The following ZNF407 variants were observed in gnomAD, a reference collection of about 807,000 sequenced individuals.
ZNF407 encodes zinc finger protein 407.
Under a neutral mutation model 131.2 loss-of-function variants are expected in ZNF407, and 17 were observed. That is an observed-to-expected ratio of 0.13 (90% CI 0.09 to 0.19). The LOEUF (loss-of-function observed/expected upper bound fraction) is 0.19. Ranked by LOEUF, ZNF407 falls within the 10% of genes least tolerant of loss-of-function variation. The pLI is 1.00. For missense variants in ZNF407, 2,681 were observed against 2,830.6 expected, an observed-to-expected ratio of 0.95 and a Z score of 1.20; for synonymous variants, 1,156 against 1,062.0, an observed-to-expected ratio of 1.09 and a Z score of -1.72.
chr18:74,731,175 A>G (rs565156904), intron 3 of ZNF407, among the ~76,000 whole-genome samples: 13 of 152,334 alleles, frequency 8.5e-5, no homozygotes, highest in Non-Finnish European at 1.6e-4. Context: ...TGTAAAAATA[A>G]TGGAATTTAC....
chr18:74,814,310 T>A (rs1251108309), intron 4 of ZNF407, among the ~76,000 whole-genome samples: 1 of 152,126 alleles, frequency 6.6e-6, no homozygotes, highest in Non-Finnish European at 1.5e-5. Context: ...ATGATTTTAC[T>A]TTTTGTAGAC....
At chr18:74,918,595 G>C (rs990802722) in intron 7 of ZNF407, among the ~76,000 whole-genome samples, 1 of 152,176 alleles carries the variant, frequency 6.6e-6, no homozygotes, top group South Asian at 2.1e-4. Context: ...TACATTCACT[G>C]TCTTGCATGT....
At chr18:75,023,550 C>A (rs1973136503) in intron 8 of ZNF407, among the ~76,000 whole-genome samples, 1 of 152,092 alleles carries the variant, frequency 6.6e-6, no homozygotes, top group African/African-American at 2.4e-5. Context: ...CAGCCAAATT[C>A]TTGGGGGCTA....
chr18:75,022,303 A>G (rs1973120451), intron 8 of ZNF407, among the ~76,000 whole-genome samples: 1 of 152,156 alleles, frequency 6.6e-6, no homozygotes, highest in African/African-American at 2.4e-5. Context: ...TGAGAGCAAG[A>G]GAAAGAAAGT....
chr18:74,645,646 TG>T (rs1239453090), intron 3 of ZNF407, among the ~76,000 whole-genome samples: 26 of 150,748 alleles, frequency 1.7e-4, no homozygotes, highest in Admixed American at 1.6e-3. Flanking sequence ...TTTGTGTGTG[TG>T]TGTGTGTGTG....
At chr18:74,605,842 C>T (rs536801270) in intron 1 of ZNF407, among the ~76,000 whole-genome samples, 1 of 152,104 alleles carries the variant, frequency 6.6e-6, no homozygotes. Context: ...CAGCAAAAAC[C>T]CAGCCCACGT....
intron 8 of ZNF407, among the ~76,000 whole-genome samples, chr18:74,923,405 A>G (rs1971872509): frequency 6.6e-6 from 1 of 152,014 alleles, no homozygotes; most frequent in African/African-American, 2.4e-5. Flanking sequence ...TAATTCTTTA[A>G]AATTTGTGTA....
At chr18:74,785,218 G>A (rs1205932599) in intron 4 of ZNF407, among the ~76,000 whole-genome samples, 3 of 152,088 alleles carry the variant, frequency 2.0e-5, no homozygotes, top group African/African-American at 2.4e-5. Context: ...CATTTTTGTC[G>A]GAGTCTGTGA....
intron 4 of ZNF407, among the ~76,000 whole-genome samples, chr18:74,851,650 A>C (rs1300962073): frequency 6.6e-6 from 1 of 152,118 alleles, no homozygotes. Context: ...ACTGAACACA[A>C]ATATTGTTAT....
At chr18:75,061,767 T>G (rs1973636583) in intron 8 of ZNF407, 1 of 152,618 alleles carries the variant, frequency 6.6e-6, no homozygotes, top group South Asian at 2.1e-4. Flanking sequence ...GACCAGGGGA[T>G]GCACCCAGCT....
chr18:74,691,521 CT>C (rs1398558100), intron 3 of ZNF407, among the ~76,000 whole-genome samples: 1 of 150,894 alleles, frequency 6.6e-6, no homozygotes, highest in East Asian at 1.9e-4. Flanking sequence ...TTCATTGAGT[CT>C]TCTCTTTTTG....
At chr18:74,917,357 AAC>A (rs1335810192) in intron 7 of ZNF407, among the ~76,000 whole-genome samples, 3 of 152,226 alleles carry the variant, frequency 2.0e-5, no homozygotes, top group Non-Finnish European at 2.9e-5. Flanking sequence ...AGAACATAAA[AAC>A]ACGGTGTGTA....
At chr18:74,932,257 T>G (rs1048375797) in intron 8 of ZNF407, among the ~76,000 whole-genome samples, 35 of 152,090 alleles carry the variant, frequency 2.3e-4, no homozygotes, top group Admixed American at 2.3e-3. Flanking sequence ...TGCATATAGA[T>G]GTCTCATTTT....
intron 6 of ZNF407, among the ~76,000 whole-genome samples, chr18:74,882,769 G>C (rs1971255592): frequency 6.6e-6 from 1 of 152,170 alleles, no homozygotes; most frequent in South Asian, 2.1e-4. Context: ...ATGACAGGAG[G>C]GGCCCAGTTA....
At chr18:74,658,246 G>A (rs1273577245) in intron 3 of ZNF407, among the ~76,000 whole-genome samples, 17 of 151,976 alleles carry the variant, frequency 1.1e-4, no homozygotes, top group Non-Finnish European at 2.4e-4. Flanking sequence ...AGCCTCCCGA[G>A]CAGCTGGGAT....
At chr18:74,951,328 A>T (rs1376057896) in intron 8 of ZNF407, among the ~76,000 whole-genome samples, 1 of 152,232 alleles carries the variant, frequency 6.6e-6, no homozygotes, top group Admixed American at 6.5e-5. Flanking sequence ...GTGTGGGGCC[A>T]AGCCCTTCAC....
chr18:74,611,611 A>G (rs776678624), intron 1 of ZNF407, among the ~76,000 whole-genome samples: 7 of 152,248 alleles, frequency 4.6e-5, no homozygotes, highest in Non-Finnish European at 8.8e-5. Context: ...TTGGGAGGAC[A>G]GGAAACAACT....
chr18:74,786,897 C>T (rs1969728988), intron 4 of ZNF407, among the ~76,000 whole-genome samples: 1 of 143,566 alleles, frequency 7.0e-6, no homozygotes, highest in African/African-American at 2.6e-5. Flanking sequence ...CCTCCGCCTC[C>T]CGGGTTCAAG....
chr18:75,020,445 T>C lies in ZNF407; in HGVS notation c.5429-42705T>C, dbSNP rs771929054. ...GGCACTACAATGTGAAACTTTTTCC[T>C]GGAAATCAAGAACAAGATTGTATGT... On this transcript the variant is annotated intron_variant, in intron 8 of 8. Transcript: ENST00000299687. Among the ~76,000 whole-genome samples, 75 of 152,120 alleles carry C rather than the reference T, an allele frequency of 4.9e-4. 1 individual carries two copies. Among genetic ancestry groups the C allele is most frequent in the Non-Finnish European group, 2.4e-4 (16 of 68,020 alleles).
Sources: allele counts gnomAD v4.1 joint callset (sites outside exome capture counted in the v4.1 genomes callset), GRCh38; gene constraint gnomAD v4.1.1; transcripts MANE v1.5; gene names NCBI Gene and HGNC (gene_info 2026-07-23, HGNC 2026-07-21).